The following SETD5 variants were observed in gnomAD, a reference collection of about 807,000 sequenced individuals.
The protein encoded by SETD5 is histone-lysine N-methyltransferase SETD5.
A neutral mutation model predicts 153.3 loss-of-function variants in SETD5; 44 were observed. The observed-to-expected ratio is 0.29, with a 90% confidence interval of 0.23 to 0.37. SETD5 has a LOEUF of 0.37. Ranked by LOEUF, SETD5 falls within the 10% of genes least tolerant of loss-of-function variation. The probability of loss-of-function intolerance (pLI) is 1.00; values close to 1 mark genes in which losing one functional copy is unlikely to be tolerated. For synonymous variants in SETD5, 716 were observed against 645.2 expected, an observed-to-expected ratio of 1.11 and a Z score of -1.66; for missense variants, 1,544 against 1,768.0, an observed-to-expected ratio of 0.87 and a Z score of 2.27.
intron 1 of SETD5, among the ~76,000 whole-genome samples, chr3:9,416,997 A>C (rs1411773950): frequency 1.3e-5 from 2 of 152,090 alleles, no homozygotes; most frequent in Non-Finnish European, 2.9e-5. Context: ...GTTTTGAAGG[A>C]GAAGGAAACA....
intron 1 of SETD5, among the ~76,000 whole-genome samples, chr3:9,417,055 G>A (rs1353612554): frequency 6.6e-6 from 1 of 152,116 alleles, no homozygotes; most frequent in African/African-American, 2.4e-5. Flanking sequence ...TCAGGCACAG[G>A]AGTTTGGACT....
At position 9,436,958 on chromosome 3, in the gene SETD5, C is replaced by T. The variant is rs17050336; in HGVS notation, c.567+1052C>T. 26,306 of 1,391,174 alleles carry T rather than the reference C, an allele frequency of 0.019. 325 individuals are homozygous for T. The highest frequency in any genetic ancestry group is 0.027 in the Middle Eastern group (156 of 5,724). The allele number at this position is 1,391,174 out of a possible 1,614,324, so 86.2% of individuals were successfully genotyped here. A position where few individuals can be genotyped will look rare whatever the true frequency, so the allele number is the denominator to read the frequency against. ...TCTTGCATTTTGGTCAGCTTCTTTC[C>T]TGACATTGATGGTCTGGGAATCTTG... is the stretch of plus-strand genomic sequence containing the variant. On this transcript the variant is annotated intron_variant, in intron 7 of 22. Transcript: ENST00000402198.
intron 1 of SETD5, among the ~76,000 whole-genome samples, chr3:9,399,668 T>G (rs998633255): frequency 4.6e-5 from 7 of 152,320 alleles, no homozygotes; most frequent in African/African-American, 1.4e-4. Context: ...GACCAAAGCT[T>G]AATCTTCACT....
intron 19 of SETD5, among the ~76,000 whole-genome samples, chr3:9,472,748 TCTC>T (rs1355583565): frequency 2.0e-5 from 3 of 150,876 alleles, no homozygotes; most frequent in Non-Finnish European, 4.4e-5. Context: ...TCCATCTCCT[TCTC>T]CTCTCCCTGC....
At chr3:9,443,633 C>T (rs2041572000) in intron 11 of SETD5, among the ~76,000 whole-genome samples, 1 of 149,016 alleles carries the variant, frequency 6.7e-6, no homozygotes, top group Non-Finnish European at 1.5e-5. Flanking sequence ...TCACAAATTT[C>T]CTGACAGAAG....
chr3:9,417,714 T>C (rs1182749670), intron 1 of SETD5, among the ~76,000 whole-genome samples: 1 of 151,868 alleles, frequency 6.6e-6, no homozygotes, highest in African/African-American at 2.4e-5. Context: ...CTCGATCTCC[T>C]GACCTCGTGA....
intron 17 of SETD5, among the ~76,000 whole-genome samples, chr3:9,454,449 T>A (rs956435672): frequency 6.6e-6 from 1 of 151,792 alleles, no homozygotes; most frequent in Admixed American, 6.6e-5. Flanking sequence ...TGAAACCCTG[T>A]CTCTACCAAA....
intron 1 of SETD5, among the ~76,000 whole-genome samples, chr3:9,402,114 C>T (rs1408486351): frequency 2.6e-5 from 4 of 152,114 alleles, no homozygotes; most frequent in Non-Finnish European, 5.9e-5. Context: ...GTTTCCTTCA[C>T]TTGTCTATAT....
At chr3:9,425,922 G>A (rs555867631) in intron 2 of SETD5, among the ~76,000 whole-genome samples, 2 of 152,208 alleles carry the variant, frequency 1.3e-5, no homozygotes, top group East Asian at 1.9e-4. Context: ...GGGGAGGTAC[G>A]GTGATAATCA....
Position 9,440,718 on chromosome 3 carries a change from G to C in SETD5, c.810+20G>C, listed in dbSNP as rs767214820. The C allele has an allele frequency of 9.3e-6, 15 of 1,607,642 alleles. No homozygotes were observed. In the South Asian group the frequency reaches 1.6e-4, roughly 17 times the overall value. ...ATGCAGGTAAGCACCAAAGGGTTGA[G>C]GACTCTCTAAGTAGCTGAAATTTTA... On this transcript the variant is annotated intron_variant, in intron 8 of 22. Coordinates refer to ENST00000402198, the MANE Select transcript of SETD5 (RefSeq NM_001080517.3).
intron 1 of SETD5, among the ~76,000 whole-genome samples, chr3:9,406,126 C>A (rs1335852130): frequency 1.3e-5 from 2 of 152,002 alleles, no homozygotes; most frequent in Admixed American, 1.3e-4. Flanking sequence ...ATAAGAGAAA[C>A]CAGATTGACA....
chr3:9,438,266 C>T lies in SETD5; in HGVS notation c.568-2190C>T, dbSNP rs190693792. ...GCTGGATCCGTCTCTTGCAAGTGGC[C>T]AAGTTTGCTTTAGCTTCCCCTTTAT... is the stretch of plus-strand genomic sequence containing the variant. On this transcript the variant is annotated intron_variant, in intron 7 of 22. Transcript: ENST00000402198. Among the ~76,000 whole-genome samples, 244 of 152,268 alleles carry T rather than the reference C, an allele frequency of 1.6e-3. 1 individual carries two copies. The highest frequency in any genetic ancestry group is 3.0e-3 in the Non-Finnish European group (202 of 68,012).
chr3:9,442,833 C>G (rs1462092053), intron 10 of SETD5: 4 of 165,872 alleles, frequency 2.4e-5, no homozygotes, highest in South Asian at 2.7e-4. Flanking sequence ...GTCAGGAGTT[C>G]GAGACCAGCC....
At chr3:9,431,276 A>G in intron 3 of SETD5, 5 of 985,434 alleles carry the variant, frequency 5.1e-6, no homozygotes, top group Non-Finnish European at 6.0e-6. Context: ...ATGGCATGAT[A>G]GCAGCTGGGT....
chr3:9,436,746 G>A, intron 7 of SETD5: 1 of 980,676 alleles, frequency 1.0e-6, no homozygotes, highest in Non-Finnish European at 1.5e-6. Context: ...AAGGGGGACA[G>A]AATAGAACAC....
At chr3:9,451,058 C>A (rs2042571201) in intron 16 of SETD5, among the ~76,000 whole-genome samples, 1 of 152,162 alleles carries the variant, frequency 6.6e-6, no homozygotes, top group Non-Finnish European at 1.5e-5. Context: ...ACAAGGCTCT[C>A]AGTAGTGTTT....
chr3:9,434,228 A>G lies in SETD5; in HGVS notation c.178-106A>G, dbSNP rs1193669992. 6.5e-7 allele frequency: 1 copy of G among 1,549,384 alleles called. No individual in the cohort carries two copies. The highest frequency in any genetic ancestry group is 2.3e-5 in the East Asian group (1 of 42,672). On this transcript the variant is annotated intron_variant, in intron 4 of 22. Coordinates refer to ENST00000402198, the MANE Select transcript of SETD5 (RefSeq NM_001080517.3). This position sits in a 1 kb window ranked among gnomAD's most constrained non-coding sequence, Gnocchi z 5.6. The stretch of plus-strand genomic sequence containing the variant: ...CCATATGTACCATACTTTAGGGGAG[A>G]GAGGGGCCAGTGTTTGGACACTGTT...
rs968990818 is a variant in SETD5, at chr3:9,477,683, T to A, written c.*1592T>A. On this transcript the variant is annotated 3_prime_UTR_variant, in exon 23 of 23. Coordinates refer to ENST00000402198, the MANE Select transcript of SETD5 (RefSeq NM_001080517.3). Reference sequence around the variant, plus strand: ...TGTTTGCTCAAATGAGGGGAGATTTTTTTTTTTTTTTTTTTTTTAAATGCT... The same window carrying A: ...TGTTTGCTCAAATGAGGGGAGATTTATTTTTTTTTTTTTTTTTTAAATGCT... 1 of 149,642 alleles carries A rather than the reference T, an allele frequency of 6.7e-6. No homozygotes were observed. Among genetic ancestry groups the A allele is most frequent in the Non-Finnish European group, 1.5e-5 (1 of 67,600 alleles). 9.3% of individuals were successfully genotyped at this position (149,642 alleles called of 1,614,324 possible). A position where few individuals can be genotyped will look rare whatever the true frequency, so the allele number is the denominator to read the frequency against.
chr3:9,406,273 A>G (rs1241000984), intron 1 of SETD5, among the ~76,000 whole-genome samples: 2 of 152,230 alleles, frequency 1.3e-5, no homozygotes, highest in Non-Finnish European at 2.9e-5. Flanking sequence ...CTAAAACAGA[A>G]CAAAGAGAAG....
Sources: gnomAD v4.1 joint callset for allele counts (sites outside exome capture counted in the v4.1 genomes callset) on GRCh38, gnomAD v4.1.1 for gene constraint, Gnocchi (gnomAD v3.1) non-coding constraint, MANE v1.5 for transcripts, NCBI Gene and HGNC (gene_info 2026-07-23, HGNC 2026-07-21) for gene names.